PTGFR: variants seen among roughly 807,000 people sequenced by gnomAD.
PTGFR encodes the protein prostaglandin F2-alpha receptor.
A neutral mutation model predicts 26.2 loss-of-function variants in PTGFR; 15 were observed. That is an observed-to-expected ratio of 0.57 (90% CI 0.38 to 0.88). The LOEUF is 0.88. Among genes scored for constraint, PTGFR ranks in the 40% least tolerant of loss-of-function variants. The pLI, the probability that PTGFR is intolerant of heterozygous loss-of-function variation, is 0.00. For synonymous variants in PTGFR, 165 were observed against 151.1 expected (o/e 1.09, Z -0.68); for missense variants, 369 against 427.2 (o/e 0.86, Z 1.20).
At chr1:78,522,921 G>A (rs1650281160) in intron 2 of PTGFR, among the ~76,000 whole-genome samples, 1 of 151,928 alleles carries the variant, frequency 6.6e-6, no homozygotes, top group African/African-American at 2.4e-5. Context: ...AAAGTACATA[G>A]GAATTATGCA....
chr1:78,536,263 T>C lies in PTGFR; in HGVS notation c.799-143T>C. 9 of 774,200 alleles carry C rather than the reference T, an allele frequency of 1.2e-5. No individual in the cohort carries two copies. The South Asian group carries it at 1.7e-4, about 15-fold the overall frequency. The allele number at this position is 774,200 out of a possible 1,614,324, so 48.0% of individuals were successfully genotyped here. A position where few individuals can be genotyped will look rare whatever the true frequency, so the allele number is the denominator to read the frequency against. On this transcript the variant is annotated intron_variant, in intron 2 of 2. Coordinates refer to ENST00000370757, the MANE Select transcript of PTGFR (RefSeq NM_000959.4). Reference sequence around the variant, plus strand: ...GTCTCCATCAGTGTTTCTGCTATCATTGATTTCTTTCTGTCAGTATTTTAA... The same window carrying C: ...GTCTCCATCAGTGTTTCTGCTATCACTGATTTCTTTCTGTCAGTATTTTAA...
intron 2 of PTGFR, among the ~76,000 whole-genome samples, chr1:78,533,292 C>G (rs567455131): frequency 1.3e-5 from 2 of 152,286 alleles, no homozygotes; most frequent in Admixed American, 1.3e-4. Context: ...TTCTACAACT[C>G]ATACAGCTCA....
intron 2 of PTGFR, among the ~76,000 whole-genome samples, chr1:78,531,398 C>T (rs1030481853): frequency 2.0e-5 from 3 of 152,128 alleles, no homozygotes; most frequent in African/African-American, 7.2e-5. Flanking sequence ...ATCCCTACTT[C>T]CTTCTCTTCA....
At chr1:78,532,117 T>C (rs766549579) in intron 2 of PTGFR, 43 of 351,966 alleles carry the variant, frequency 1.2e-4, no homozygotes, top group Non-Finnish European at 1.9e-4. Flanking sequence ...TGTGAAATAT[T>C]TTGTAACTAG....
intron 2 of PTGFR, among the ~76,000 whole-genome samples, chr1:78,496,848 G>A (rs1252030148): frequency 6.6e-6 from 1 of 151,988 alleles, no homozygotes; most frequent in Non-Finnish European, 1.5e-5. Context: ...ATAGAAAAAT[G>A]AATAGAAAGT....
chr1:78,493,240 T>C lies in PTGFR; in HGVS notation c.497T>C (p.Ile166Thr), dbSNP rs768658971. 1.9e-6 allele frequency: 3 copies of C among 1,614,100 alleles called. No homozygotes were observed. Among genetic ancestry groups the C allele is most frequent in the Non-Finnish European group, 2.5e-6 (3 of 1,180,034 alleles). Reference protein sequence around the residue: ...LSGVCLFAVFIALLPILGHRD... With the variant: ...LSGVCLFAVFTALLPILGHRD... ...GGTGTGTGCTTGTTTGCTGTTTTCA[T>C]AGCTTTGCTGCCCATCCTTGGACAT... is the stretch of plus-strand genomic sequence containing the variant. Residue 166 changes from isoleucine (I) to threonine (T), a missense_variant, in exon 2 of 3, where the codon ATA (isoleucine) becomes ACA (threonine). By Grantham distance (89) the Ile-to-Thr change is moderately conservative. Transcript: ENST00000370757.
Position 78,495,777 on chromosome 1 carries a change from A to G in PTGFR, c.798+2236A>G, listed in dbSNP as rs532168973. Among the ~76,000 whole-genome samples the G allele has an allele frequency of 3.0e-3, 450 of 152,318 alleles. 2 individuals carry two copies. The highest frequency in any genetic ancestry group is 3.7e-3 in the Non-Finnish European group (250 of 68,008). On this transcript the variant is annotated intron_variant, in intron 2 of 2. Coordinates refer to ENST00000370757, the MANE Select transcript of PTGFR (RefSeq NM_000959.4). ...CTCTTGGTGTGGATATTTTGAATGT[A>G]TGTTTTTCCCTAATTTCCATTCCTG...
intron 2 of PTGFR, among the ~76,000 whole-genome samples, chr1:78,529,320 CT>C (rs1295919568): frequency 6.6e-6 from 1 of 152,030 alleles, no homozygotes; most frequent in Non-Finnish European, 1.5e-5. Flanking sequence ...CTAGTTTTTT[CT>C]TTAATTCATA....
intron 2 of PTGFR, among the ~76,000 whole-genome samples, chr1:78,506,131 C>T (rs2100363713): frequency 6.6e-6 from 1 of 152,274 alleles, no homozygotes; most frequent in East Asian, 1.9e-4. Context: ...GCAGCTGCAC[C>T]ATTTTCCATT....
At chr1:78,502,725 T>C (rs1649739897) in intron 2 of PTGFR, among the ~76,000 whole-genome samples, 1 of 152,190 alleles carries the variant, frequency 6.6e-6, no homozygotes, top group Admixed American at 6.6e-5. Flanking sequence ...AGTGGTTATT[T>C]GTTTATTGAT....
Position 78,540,514 on chromosome 1 carries a change from G to A in PTGFR, c.*3827G>A, listed in dbSNP as rs1382459024. On this transcript the variant is annotated 3_prime_UTR_variant, in exon 3 of 3. Coordinates refer to ENST00000370757, the MANE Select transcript of PTGFR (RefSeq NM_000959.4). ...ACTGACAAGCATGGTCTTGTAATCT[G>A]TAAAGATAAGGTAGAATAAATGAAC... Among the ~76,000 whole-genome samples the A allele has an allele frequency of 6.6e-6, 1 of 152,042 alleles. No individual in the cohort carries two copies. Among genetic ancestry groups the A allele is most frequent in the East Asian group, 1.9e-4 (1 of 5,192 alleles).
Position 78,537,321 on chromosome 1 carries a change from T to C in PTGFR, c.*634T>C, listed in dbSNP as rs1341476447. 1 of 152,130 alleles carries C rather than the reference T, an allele frequency of 6.6e-6. No homozygotes were observed. The highest frequency in any genetic ancestry group is 2.4e-5 in the African/African-American group (1 of 41,438). 9.4% of individuals were successfully genotyped at this position (152,130 alleles called of 1,614,324 possible). On this transcript the variant is annotated 3_prime_UTR_variant, in exon 3 of 3. Transcript: ENST00000370757. ...CAAATAGGACTGCCTACATTTATTA[T>C]TATGAAGGTCGATTGTTGTTGGAAG...
chr1:78,502,348 T>C (rs1183791818), intron 2 of PTGFR, among the ~76,000 whole-genome samples: 1 of 152,190 alleles, frequency 6.6e-6, no homozygotes, highest in Non-Finnish European at 1.5e-5. Context: ...GTTCAAGTCC[T>C]GTTTCTTTCA....
chr1:78,540,003 C>G lies in PTGFR; in HGVS notation c.*3316C>G, dbSNP rs1019673557. ...GGTTTAGATATATCATTCAGAAAAGCCTCAATGTGTCTGTAATAAGAAACA... is the reference window on the plus strand; with the variant it reads ...GGTTTAGATATATCATTCAGAAAAGGCTCAATGTGTCTGTAATAAGAAACA... On this transcript the variant is annotated 3_prime_UTR_variant, in exon 3 of 3. Transcript: ENST00000370757. Among the ~76,000 whole-genome samples, 3 of 151,984 alleles carry G rather than the reference C, an allele frequency of 2.0e-5. No homozygotes were observed. Among genetic ancestry groups the G allele is most frequent in the Admixed American group, 1.3e-4 (2 of 15,222 alleles).
At chr1:78,531,949 G>A (rs1650518052) in intron 2 of PTGFR, among the ~76,000 whole-genome samples, 4 of 151,906 alleles carry the variant, frequency 2.6e-5, no homozygotes, top group African/African-American at 9.7e-5. Flanking sequence ...AATATTAAAG[G>A]AGTGGTGTCA....
At chr1:78,526,637 A>C (rs929031338) in intron 2 of PTGFR, among the ~76,000 whole-genome samples, 1 of 152,150 alleles carries the variant, frequency 6.6e-6, no homozygotes, top group Non-Finnish European at 1.5e-5. Flanking sequence ...ACAAATAAAA[A>C]GAATGGGGTC....
intron 2 of PTGFR, 97 bp from the exon 3 acceptor site, chr1:78,536,309 A>T (rs3766332): frequency 0.091 from 108,510 of 1,196,014 alleles, 6,921 homozygotes; most frequent in East Asian, 0.28. Context: ...CACTCTGTGG[A>T]AAGTGAAATG....
In PTGFR at chr1:78,491,251, G is replaced by C. The variant is rs1209577289; in HGVS notation, c.-73+15G>C. On this transcript the variant is annotated intron_variant, in intron 1 of 2. Coordinates refer to ENST00000370757, the MANE Select transcript of PTGFR (RefSeq NM_000959.4). Reference sequence around the variant, plus strand: ...GGGATGACAAGGTACCATCCCTCCAGAGGCTGATCCCAATGCATCGGCTTC... The same window carrying C: ...GGGATGACAAGGTACCATCCCTCCACAGGCTGATCCCAATGCATCGGCTTC... 6.6e-6 allele frequency: 1 copy of C among 152,334 alleles called. No homozygotes were observed. The highest frequency in any genetic ancestry group is 1.5e-5 in the Non-Finnish European group (1 of 68,144). 9.4% of individuals were successfully genotyped at this position (152,334 alleles called of 1,614,324 possible).
chr1:78,527,640 C>T (rs969452655), intron 2 of PTGFR, among the ~76,000 whole-genome samples: 1 of 152,102 alleles, frequency 6.6e-6, no homozygotes, highest in Non-Finnish European at 1.5e-5. Context: ...GTATCAGGAA[C>T]TAGATGAAAG....
Sources: gnomAD v4.1 joint callset for allele counts (sites outside exome capture counted in the v4.1 genomes callset) on GRCh38, gnomAD v4.1.1 for gene constraint, MANE v1.5 for transcripts, NCBI Gene and HGNC (gene_info 2026-07-23, HGNC 2026-07-21) for gene names.